The following FRMD5 variants were observed in gnomAD, a reference collection of about 807,000 sequenced individuals.
FRMD5 encodes the protein FERM domain containing 5, also known as FERM domain-containing protein 5.
Under a neutral mutation model 69.0 loss-of-function variants are expected in FRMD5, and 20 were observed. The ratio of observed to expected loss-of-function variants is 0.29; its 90% CI spans 0.20 to 0.42. The LOEUF is 0.42. Ranked by LOEUF, FRMD5 falls within the 10% of genes least tolerant of loss-of-function variation. FRMD5 has a pLI of 1.00. For synonymous variants in FRMD5, 271 were observed against 260.1 expected (o/e 1.04, Z -0.40); for missense variants, 595 against 708.6 (o/e 0.84, Z 1.82).
intron 1 of FRMD5, among the ~76,000 whole-genome samples, chr15:44,126,372 T>C (rs983646600): frequency 3.3e-5 from 5 of 152,240 alleles, no homozygotes; most frequent in African/African-American, 1.2e-4. Context: ...TCAAACTTCA[T>C]TTTTAGAAAA....
chr15:44,063,103 CAT>C (rs1213158037), intron 1 of FRMD5, among the ~76,000 whole-genome samples: 2 of 152,182 alleles, frequency 1.3e-5, no homozygotes, highest in African/African-American at 4.8e-5. Flanking sequence ...TCCATTTCCA[CAT>C]GATTTCAGTT....
chr15:43,886,175 C>G (rs775212972), intron 10 of FRMD5, among the ~76,000 whole-genome samples: 2 of 152,134 alleles, frequency 1.3e-5, no homozygotes, highest in Non-Finnish European at 2.9e-5. Context: ...AATGATAGAG[C>G]TGGGACTACT....
intron 1 of FRMD5, among the ~76,000 whole-genome samples, chr15:43,953,212 G>C (rs2090063739): frequency 6.6e-6 from 1 of 152,230 alleles, no homozygotes; most frequent in Admixed American, 6.5e-5. Flanking sequence ...CATAGTCTTG[G>C]TATCTGCTAA....
chr15:43,967,764 T>A (rs1187436583), intron 1 of FRMD5, among the ~76,000 whole-genome samples: 4 of 152,102 alleles, frequency 2.6e-5, no homozygotes, highest in African/African-American at 4.8e-5. Context: ...AATTTTTTTT[T>A]AAATTTTACT....
chr15:43,880,286 A>G (rs1427522931), intron 13 of FRMD5, among the ~76,000 whole-genome samples: 1 of 152,102 alleles, frequency 6.6e-6, no homozygotes, highest in Non-Finnish European at 1.5e-5. Flanking sequence ...AGCATGAACC[A>G]ATTTAAATGC....
chr15:43,879,489 C>G (rs1251077643), intron 13 of FRMD5: 3 of 398,940 alleles, frequency 7.5e-6, no homozygotes, highest in African/African-American at 2.1e-5. Context: ...AACAGGAGAG[C>G]CTTTTTTACC....
At chr15:44,197,199 T>TA (rs34621315), upstream of FRMD5, among the ~76,000 whole-genome samples, 66 of 145,006 alleles carry the variant, frequency 4.6e-4, no homozygotes, top group African/African-American at 5.9e-4. Context: ...AGACTCGGTC[T>TA]AAAAAAAAAA....
At chr15:44,042,842 G>C (rs867302290) in intron 1 of FRMD5, among the ~76,000 whole-genome samples, 2 of 152,210 alleles carry the variant, frequency 1.3e-5, no homozygotes, top group Non-Finnish European at 2.9e-5. Flanking sequence ...GCAAAAACTG[G>C]AAGCATTCCC....
At chr15:44,117,794 G>C (rs2076890824) in intron 1 of FRMD5, among the ~76,000 whole-genome samples, 1 of 152,050 alleles carries the variant, frequency 6.6e-6, no homozygotes, top group Admixed American at 6.6e-5. Context: ...TAGCAGCTGG[G>C]TGTACTTCCT....
chr15:44,047,061 C>T (rs910973877), intron 1 of FRMD5, among the ~76,000 whole-genome samples: 2 of 152,186 alleles, frequency 1.3e-5, no homozygotes, highest in African/African-American at 2.4e-5. Flanking sequence ...AATCCTAGCA[C>T]TTCAGGAGGC....
chr15:43,883,749 G>T lies in FRMD5; in HGVS notation c.1089C>A (p.Ser363Arg). The change falls in exon 13 of 14, where the codon AGC becomes AGA. Residue 363 changes from serine to arginine, a missense_variant. Coordinates refer to ENST00000417257, the MANE Select transcript of FRMD5 (RefSeq NM_032892.5). ...PSITHGPRLS[S>R]VPRTRRRAVH... ...CAGCTCTTCTGCGGGTCCTGGGGAC[G>T]CTGCTCAGCCTTGGGCCATGGGTTA... The T allele has an allele frequency of 6.2e-7, 1 of 1,613,770 alleles. No individual in the cohort carries two copies. The highest frequency in any genetic ancestry group is 8.5e-7 in the Non-Finnish European group (1 of 1,179,802).
chr15:44,120,565 G>C (rs1194912627), intron 1 of FRMD5, among the ~76,000 whole-genome samples: 1 of 135,760 alleles, frequency 7.4e-6, no homozygotes, highest in Non-Finnish European at 1.5e-5. Flanking sequence ...ACGGAGTCTC[G>C]CTCTGTCGCC....
At chr15:44,116,938 C>T (rs887676934) in intron 1 of FRMD5, among the ~76,000 whole-genome samples, 3 of 148,536 alleles carry the variant, frequency 2.0e-5, no homozygotes, top group African/African-American at 7.5e-5. Context: ...AAAAATTAAC[C>T]GAGCATGGTG....
upstream of FRMD5, among the ~76,000 whole-genome samples, chr15:44,196,431 C>G (rs1399570004): frequency 6.6e-6 from 1 of 151,690 alleles, no homozygotes; most frequent in Non-Finnish European, 1.5e-5. Context: ...GGCCATTGCA[C>G]TCCAGCCTGG....
intron 1 of FRMD5, among the ~76,000 whole-genome samples, chr15:44,185,948 CAG>C (rs200444349): frequency 0.013 from 1,929 of 152,170 alleles, 46 homozygotes; most frequent in African/African-American, 0.045. Context: ...TGTTTTGAGA[CAG>C]AGTTTCTCTC....
intron 1 of FRMD5, among the ~76,000 whole-genome samples, chr15:43,948,054 C>T (rs915428380): frequency 2.0e-5 from 3 of 152,072 alleles, no homozygotes; most frequent in Non-Finnish European, 4.4e-5. Context: ...ATTCTTTAAT[C>T]ATCACAACAA....
At chr15:44,159,093 G>C (rs1352937998) in intron 1 of FRMD5, among the ~76,000 whole-genome samples, 1 of 152,156 alleles carries the variant, frequency 6.6e-6, no homozygotes, top group Non-Finnish European at 1.5e-5. Flanking sequence ...AGAGGAACAG[G>C]GCATTCTATT....
chr15:44,133,179 A>ACTC (rs2077128540), intron 1 of FRMD5, among the ~76,000 whole-genome samples: 1 of 151,570 alleles, frequency 6.6e-6, no homozygotes, highest in South Asian at 2.1e-4. Flanking sequence ...GCGCCACTGC[A>ACTC]CTCCAGCCTG....
intron 13 of FRMD5, among the ~76,000 whole-genome samples, chr15:43,874,921 T>C (rs1435781889): frequency 1.3e-5 from 2 of 149,630 alleles, no homozygotes; most frequent in Non-Finnish European, 3.0e-5. Context: ...AGAAAAAGGC[T>C]GGGCGTGGTG....
Sources: gnomAD v4.1 joint callset for allele counts (sites outside exome capture counted in the v4.1 genomes callset) on GRCh38, gnomAD v4.1.1 for gene constraint, MANE v1.5 for transcripts, NCBI Gene and HGNC (gene_info 2026-07-23, HGNC 2026-07-21) for gene names.